The following RNF215 variants were observed in gnomAD, a reference collection of about 807,000 sequenced individuals.
RNF215 encodes the protein ring finger protein 215.
In RNF215, 41 loss-of-function variants were observed where a neutral mutation model predicts 44.8. That is an observed-to-expected ratio of 0.92 (90% CI 0.71 to 1.19). RNF215 has a LOEUF of 1.19. Among genes scored for constraint, RNF215 ranks in the 50% most tolerant of loss-of-function variants. The pLI is 0.00. For missense variants in RNF215, 452 were observed against 496.2 expected (o/e 0.91, Z 0.85); for synonymous variants, 218 against 230.1 (o/e 0.95, Z 0.48).
In RNF215 at chr22:30,385,081, G is replaced by C. The variant is rs112599851; in HGVS notation, c.588-586C>G. Among the ~76,000 whole-genome samples, 1,394 of 152,218 alleles carry C rather than the reference G, an allele frequency of 9.2e-3. 18 individuals carry two copies. Among genetic ancestry groups the C allele is most frequent in the African/African-American group, 0.031 (1,300 of 41,546 alleles). On this transcript the variant is annotated intron_variant, in intron 4 of 8. Transcript: ENST00000382363. ...TCCTTCTTTGGCTTACCAAAGTGCT[G>C]GGATTACAGGCATGAGCCACCATTC... is the stretch of plus-strand genomic sequence containing the variant.
Position 30,387,408 on chromosome 22 carries a change from C to A in RNF215, c.-95G>T, listed in dbSNP as rs1933621237. ...GAGGCCGCTGCCGGACGGGGCGGGG[C>A]GCCGGGAGGGGCGGGGCCGCGGCCG... is the stretch of plus-strand genomic sequence containing the variant. On this transcript the variant is annotated 5_prime_UTR_variant, in exon 1 of 9. Coordinates refer to ENST00000382363, the MANE Select transcript of RNF215 (RefSeq NM_001017981.2). 4.4e-6 allele frequency: 3 copies of A among 686,610 alleles called. No homozygotes were observed. The highest frequency in any genetic ancestry group is 3.6e-6 in the Non-Finnish European group (2 of 551,206). The allele number at this position is 686,610 out of a possible 1,614,324, so 42.5% of individuals were successfully genotyped here.
intron 5 of RNF215, 43 bp downstream of exon 5, chr22:30,384,296 G>T: frequency 6.3e-7 from 1 of 1,585,774 alleles, no homozygotes; most frequent in South Asian, 1.1e-5. Flanking sequence ...ATGGCCCCAC[G>T]AGCCTCCTTT....
chr22:30,380,434 G>A lies in RNF215; in HGVS notation c.745-33C>T. The stretch of plus-strand genomic sequence containing the variant: ...GGGAAGCAGTCATCAGGGACATGGG[G>A]CCACCCCCACACGCCTCCCTTAGGA... On this transcript the variant is annotated intron_variant, in intron 5 of 8. Coordinates refer to ENST00000382363, the MANE Select transcript of RNF215 (RefSeq NM_001017981.2). This position sits in a 1 kb window ranked among gnomAD's most constrained non-coding sequence, Gnocchi z 5.3. 6.3e-7 allele frequency: 1 copy of A among 1,575,142 alleles called. No individual in the cohort carries two copies. The highest frequency in any genetic ancestry group is 8.6e-7 in the Non-Finnish European group (1 of 1,159,752).
chr22:30,386,364 G>C (rs1933599935), intron 2 of RNF215, among the ~76,000 whole-genome samples: 2 of 152,186 alleles, frequency 1.3e-5, no homozygotes, highest in South Asian at 4.1e-4. Flanking sequence ...AGTCCCAGCA[G>C]TGGTCGTCAG....
chr22:30,381,695 G>C (rs1933531745), intron 5 of RNF215, among the ~76,000 whole-genome samples: 2 of 152,168 alleles, frequency 1.3e-5, no homozygotes, highest in Non-Finnish European at 2.9e-5. Context: ...GAAATGATCT[G>C]ATATGAAGAG....
chr22:30,385,760 G>A, intron 4 of RNF215, 144 bp downstream of exon 4: 1 of 689,974 alleles, frequency 1.4e-6, no homozygotes, highest in Admixed American at 2.5e-5. Flanking sequence ...ACTCCAGCCT[G>A]GGCAACACGA....
chr22:30,380,429 A>G lies in RNF215; in HGVS notation c.745-28T>C, dbSNP rs377550455. On this transcript the variant is annotated intron_variant, in intron 5 of 8. Transcript: ENST00000382363. The surrounding 1 kb of genome is among the most constrained non-coding windows in gnomAD (Gnocchi z 5.3). Reference sequence around the variant, plus strand: ...GGGGAGGGAAGCAGTCATCAGGGACATGGGGCCACCCCCACACGCCTCCCT... The same window carrying G: ...GGGGAGGGAAGCAGTCATCAGGGACGTGGGGCCACCCCCACACGCCTCCCT... The G allele has an allele frequency of 1.3e-5, 21 of 1,583,466 alleles. No homozygotes were observed. Among genetic ancestry groups the G allele is most frequent in the Non-Finnish European group, 1.7e-5 (20 of 1,163,882 alleles).
intron 4 of RNF215, 34 bp from the exon 5 acceptor site, chr22:30,384,529 G>A (rs372852040): frequency 1.2e-6 from 2 of 1,602,358 alleles, no homozygotes; most frequent in African/African-American, 2.7e-5. Context: ...CAGATGGAAG[G>A]ACTCTTGGGA....
At chr22:30,386,527 C>T in intron 2 of RNF215, 89 bp downstream of exon 2, 2 of 1,502,766 alleles carry the variant, frequency 1.3e-6, no homozygotes, top group Non-Finnish European at 8.9e-7. Flanking sequence ...TCTGCAAGCT[C>T]TTAAGGGCCC....
rs1933501953 is a variant in RNF215 at position 30,380,009 on chromosome 22, G to A, written c.1008+53C>T. 1 of 1,606,872 alleles carries A rather than the reference G, an allele frequency of 6.2e-7. No individual in the cohort carries two copies. The highest frequency in any genetic ancestry group is 8.5e-7 in the Non-Finnish European group (1 of 1,174,288). On this transcript the variant is annotated intron_variant, in intron 7 of 8. Transcript: ENST00000382363. This position sits in a 1 kb window ranked among gnomAD's most constrained non-coding sequence, Gnocchi z 5.3. ...GGTGGTTCCAAGGTCCCAGGAGTAA[G>A]GTGGGAGGCATCACAGGTGAGCTGA... is the stretch of plus-strand genomic sequence containing the variant.
At position 30,380,259 on chromosome 22, in the gene RNF215, G is replaced by T; in HGVS notation, c.864+23C>A. Reference sequence around the variant, plus strand: ...CAGGTCCAAGGGCTGAGGGTGCTGGGGCTCCCTGGGGCTGGCTCCCACCTG... The same window carrying T: ...CAGGTCCAAGGGCTGAGGGTGCTGGTGCTCCCTGGGGCTGGCTCCCACCTG... On this transcript the variant is annotated intron_variant, in intron 6 of 8. Coordinates refer to ENST00000382363, the MANE Select transcript of RNF215 (RefSeq NM_001017981.2). The surrounding 1 kb of genome is among the most constrained non-coding windows in gnomAD (Gnocchi z 5.3). The T allele has an allele frequency of 7.4e-6, 12 of 1,610,854 alleles. No individual in the cohort carries two copies. The highest frequency in any genetic ancestry group is 1.0e-5 in the Non-Finnish European group (12 of 1,178,162).
At chr22:30,386,792 T>G (rs1320646133) in intron 1 of RNF215, 33 bp from the exon 2 acceptor site, 1 of 1,587,924 alleles carries the variant, frequency 6.3e-7, no homozygotes, top group Non-Finnish European at 8.5e-7. Flanking sequence ...CAGAGGGAGG[T>G]AGGGTGTGGT....
intron 5 of RNF215, among the ~76,000 whole-genome samples, chr22:30,382,738 G>A (rs1216837966): frequency 6.6e-6 from 1 of 152,142 alleles, no homozygotes; most frequent in Non-Finnish European, 1.5e-5. Context: ...GCATCTTGGG[G>A]AACACACCTT....
rs756016738 is a variant in RNF215, at chr22:30,384,386, C to G, written c.697G>C (p.Gly233Arg). Residue 233 changes from glycine (G) to arginine (R), a missense_variant, in exon 5 of 9, where the codon GGA (glycine) becomes CGA (arginine). Gly to Arg is a moderately radical substitution (Grantham distance 125). Transcript: ENST00000382363. ...CCAAGGCAGACCAAGTCCTGCCATC[C>G]TCCATAGCCATCCTTGGAGAGGCCA... ...TCGLSKDGYG[G>R]WQDLVCLGGS... is the part of the protein sequence containing the mutation. The G allele has an allele frequency of 2.5e-6, 4 of 1,613,980 alleles. No homozygotes were observed. The highest frequency in any genetic ancestry group is 3.4e-6 in the Non-Finnish European group (4 of 1,180,000).
rs1358630366 is a variant in RNF215, at chr22:30,380,905, C to T, written c.745-504G>A. On this transcript the variant is annotated intron_variant, in intron 5 of 8. Transcript: ENST00000382363. The surrounding 1 kb of genome is among the most constrained non-coding windows in gnomAD (Gnocchi z 5.3). Reference sequence around the variant, plus strand: ...CCCCAAGGCCTGTTGCTTCGTTCTCCTGGGTGGGGGTGGGTCTCATGCCCT... The same window carrying T: ...CCCCAAGGCCTGTTGCTTCGTTCTCTTGGGTGGGGGTGGGTCTCATGCCCT... 2.6e-5 allele frequency among the ~76,000 whole-genome samples: 4 copies of T among 152,186 alleles called. No individual in the cohort carries two copies. Among genetic ancestry groups the T allele is most frequent in the Non-Finnish European group, 4.4e-5 (3 of 68,024 alleles).
chr22:30,381,961 C>A (rs1184313320), intron 5 of RNF215, among the ~76,000 whole-genome samples: 3 of 152,204 alleles, frequency 2.0e-5, no homozygotes, highest in Non-Finnish European at 4.4e-5. Flanking sequence ...CTTACCCCAG[C>A]AGAGTGACAG....
Position 30,380,433 on chromosome 22 carries a change from G to A in RNF215, c.745-32C>T, listed in dbSNP as rs745810595. 3.2e-6 allele frequency: 5 copies of A among 1,575,748 alleles called. No individual in the cohort carries two copies. Among genetic ancestry groups the A allele is most frequent in the African/African-American group, 1.4e-5 (1 of 73,908 alleles). ...AGGGAAGCAGTCATCAGGGACATGG[G>A]GCCACCCCCACACGCCTCCCTTAGG... On this transcript the variant is annotated intron_variant, in intron 5 of 8. Coordinates refer to ENST00000382363, the MANE Select transcript of RNF215 (RefSeq NM_001017981.2). The surrounding 1 kb of genome is among the most constrained non-coding windows in gnomAD (Gnocchi z 5.3).
In RNF215 at chr22:30,386,732, C is replaced by T. The variant is rs1239362367; in HGVS notation, c.313G>A (p.Ala105Thr). 6.2e-7 allele frequency: 1 copy of T among 1,608,720 alleles called. No individual in the cohort carries two copies. The change falls in exon 2 of 9, where the codon GCA becomes ACA. Residue 105 changes from alanine (A) to threonine (T), a missense_variant. Physicochemically the swap from Ala to Thr is moderately conservative, Grantham distance 58 (BLOSUM62 0). Coordinates refer to ENST00000382363, the MANE Select transcript of RNF215 (RefSeq NM_001017981.2). ...LMDIVDAEQE[A>T]PVEGWIAVAY... The stretch of plus-strand genomic sequence containing the variant: ...ACTGCAATCCAGCCTTCCACTGGTG[C>T]CTCCTGCTCGGCATCCACGATGTCC...
intron 5 of RNF215, among the ~76,000 whole-genome samples, chr22:30,384,037 G>C (rs1295236298): frequency 6.6e-6 from 1 of 152,198 alleles, no homozygotes; most frequent in Admixed American, 6.5e-5. Flanking sequence ...AGTGAGTGAT[G>C]CAGAGAGCTG....
Sources: allele counts gnomAD v4.1 joint callset (sites outside exome capture counted in the v4.1 genomes callset), GRCh38; gene constraint gnomAD v4.1.1; non-coding constraint Gnocchi (gnomAD v3.1); transcripts MANE v1.5; gene names NCBI Gene and HGNC (gene_info 2026-07-23, HGNC 2026-07-21).